Variants in PCDH15 observed in about 807,000 individuals in gnomAD.
PCDH15 encodes the protein protocadherin-15.
In PCDH15, 129 loss-of-function variants were observed where a neutral mutation model predicts 178.5. That is an observed-to-expected ratio of 0.72 (90% CI 0.63 to 0.84). PCDH15 has a LOEUF of 0.84. Ranked by LOEUF, PCDH15 falls within the 40% of genes least tolerant of loss-of-function variation. PCDH15 has a pLI of 0.00. For synonymous variants in PCDH15, 800 were observed against 732.0 expected (o/e 1.09, Z -1.50); for missense variants, 2,230 against 2,099.9 (o/e 1.06, Z -1.21).
At chr10:54,168,523 C>A (rs1173998954) in intron 13 of PCDH15, among the ~76,000 whole-genome samples, 1 of 152,196 alleles carries the variant, frequency 6.6e-6, no homozygotes. Context: ...CCTCCTCACA[C>A]CTGGTCGGGC....
chr10:55,313,025 T>C (rs1843628517), intron 1 of PCDH15, among the ~76,000 whole-genome samples: 1 of 152,308 alleles, frequency 6.6e-6, no homozygotes, highest in Admixed American at 6.5e-5. Context: ...ATTATCACTA[T>C]TTGTGAACTA....
intron 1 of PCDH15, among the ~76,000 whole-genome samples, chr10:55,296,938 GTATAATTGTATTT>G (rs756188807): frequency 3.9e-5 from 6 of 151,966 alleles, no homozygotes; most frequent in Non-Finnish European, 7.4e-5. Flanking sequence ...TTTTGTAATT[GTATAATTGTATTT>G]TATAATTTTT....
chr10:54,599,976 C>T, intron 2 of PCDH15: 3 of 1,211,170 alleles, frequency 2.5e-6, no homozygotes, highest in Non-Finnish European at 3.6e-6. Context: ...CAGAAAAAGC[C>T]AAGTCTACTG....
At chr10:54,676,074 G>T (rs1464041335) in intron 1 of PCDH15, among the ~76,000 whole-genome samples, 11 of 152,042 alleles carry the variant, frequency 7.2e-5, no homozygotes, top group Non-Finnish European at 1.5e-4. Flanking sequence ...GGTATTGTTG[G>T]AGAAAGGGCT....
Position 54,132,994 on chromosome 10 carries a change from T to C in PCDH15, c.1798A>G (p.Thr600Ala). The C allele has an allele frequency of 6.2e-7, 1 of 1,614,056 alleles. No homozygotes were observed. Among genetic ancestry groups the C allele is most frequent in the Middle Eastern group, 1.6e-4 (1 of 6,062 alleles). The change falls in exon 15 of 38, where the codon ACT (threonine) becomes GCT (alanine). Residue 600 changes from threonine to alanine, a missense_variant. Thr to Ala is a moderately conservative substitution (Grantham distance 58, BLOSUM62 0). Coordinates refer to ENST00000644397, the MANE Select transcript of PCDH15 (RefSeq NM_001384140.1). ...PPAERRNSIC[T>A]VYIEVLPPNN... ...GGTGGAAGCACTTCAATATACACAGTGCAGATGGAGTTCCTGCAGAGAAAG... is the reference window on the plus strand; with the variant it reads ...GGTGGAAGCACTTCAATATACACAGCGCAGATGGAGTTCCTGCAGAGAAAG...
chr10:54,439,076 C>T (rs1226654243), intron 3 of PCDH15, among the ~76,000 whole-genome samples: 3 of 151,806 alleles, frequency 2.0e-5, no homozygotes, highest in African/African-American at 7.3e-5. Context: ...AAATCTGAGA[C>T]ATAAGGAAAT....
At chr10:55,349,213 T>C (rs1844844677) in intron 2 of PCDH15, among the ~76,000 whole-genome samples, 1 of 152,094 alleles carries the variant, frequency 6.6e-6, no homozygotes, top group Non-Finnish European at 1.5e-5. Context: ...TCTGTTGAGG[T>C]GTGAAGTCCC....
chr10:54,611,758 T>C lies in PCDH15; in HGVS notation c.91+52414A>G, dbSNP rs567656294. On this transcript the variant is annotated intron_variant, in intron 2 of 37. Coordinates refer to ENST00000644397, the MANE Select transcript of PCDH15 (RefSeq NM_001384140.1). ...CAAAACAGCTCTGTAAACAGCCTACTAAACCAGCATCATCAGCTTTCTGTA... is the reference window on the plus strand; with the variant it reads ...CAAAACAGCTCTGTAAACAGCCTACCAAACCAGCATCATCAGCTTTCTGTA... Among the ~76,000 whole-genome samples the C allele has an allele frequency of 4.6e-5, 7 of 152,002 alleles. No homozygotes were observed. In the South Asian group the frequency reaches 1.5e-3, roughly 31 times the overall value.
At chr10:55,536,209 T>G (rs1489155689) in intron 2 of PCDH15, among the ~76,000 whole-genome samples, 3 of 152,136 alleles carry the variant, frequency 2.0e-5, no homozygotes, top group Non-Finnish European at 4.4e-5. Flanking sequence ...ATGAAACTGA[T>G]ATGTGCCACT....
chr10:55,359,422 TG>T (rs1377124164), intron 2 of PCDH15, among the ~76,000 whole-genome samples: 3 of 151,980 alleles, frequency 2.0e-5, no homozygotes, highest in Non-Finnish European at 4.4e-5. Context: ...AATTTTTATA[TG>T]TGCTGCCAAA....
chr10:55,092,886 T>G (rs1225367014), intron 2 of PCDH15, among the ~76,000 whole-genome samples: 1 of 151,936 alleles, frequency 6.6e-6, no homozygotes, highest in Non-Finnish European at 1.5e-5. Context: ...GTTAAAAACA[T>G]TCTCATATCT....
chr10:55,494,707 T>C (rs540771666), intron 2 of PCDH15, among the ~76,000 whole-genome samples: 26 of 151,936 alleles, frequency 1.7e-4, no homozygotes, highest in African/African-American at 6.3e-4. Flanking sequence ...TCTTTACTCC[T>C]GGATAACTCT....
At chr10:54,193,750 T>C (rs1185308058) in intron 11 of PCDH15, among the ~76,000 whole-genome samples, 1 of 152,186 alleles carries the variant, frequency 6.6e-6, no homozygotes, top group Non-Finnish European at 1.5e-5. Flanking sequence ...GCTATCATTA[T>C]AGTCAGACTA....
chr10:55,048,759 A>G (rs1841078869), intron 2 of PCDH15, among the ~76,000 whole-genome samples: 1 of 151,842 alleles, frequency 6.6e-6, no homozygotes, highest in African/African-American at 2.4e-5. Context: ...CCTAGAAATG[A>G]TATTTATTTT....
intron 20 of PCDH15, among the ~76,000 whole-genome samples, chr10:54,012,993 G>A (rs1216433417): frequency 1.3e-5 from 2 of 151,956 alleles, no homozygotes; most frequent in African/African-American, 4.8e-5. Flanking sequence ...AAGGACCAAC[G>A]TTATGCTGTC....
chr10:54,645,048 T>C (rs2094095461), intron 2 of PCDH15, among the ~76,000 whole-genome samples: 1 of 152,178 alleles, frequency 6.6e-6, no homozygotes, highest in Admixed American at 6.5e-5. Flanking sequence ...TATCTATAAA[T>C]TACCCAGTTT....
rs1412002103 is a variant in PCDH15, at chr10:54,317,334, C to G, written c.813G>C (p.Val271=). ...LGPMFLPCVL[V]PNTRDCRPLT... is the part of the protein sequence containing the mutation. ...GTGGACGGCAATCACGAGTGTTTGG[C>G]ACAAGGACACAAGGAAGAAACATTG... The change falls in exon 8 of 38, where the codon GTG becomes GTC. Residue 271 remains valine, a synonymous_variant. Coordinates refer to ENST00000644397, the MANE Select transcript of PCDH15 (RefSeq NM_001384140.1). The G allele has an allele frequency of 4.3e-6, 7 of 1,613,816 alleles. No individual in the cohort carries two copies. The highest frequency in any genetic ancestry group is 2.7e-5 in the African/African-American group (2 of 74,886).
At chr10:54,410,370 T>A (rs1357231707) in intron 3 of PCDH15, among the ~76,000 whole-genome samples, 1 of 152,156 alleles carries the variant, frequency 6.6e-6, no homozygotes, top group Non-Finnish European at 1.5e-5. Flanking sequence ...TGCAGAAAGA[T>A]CATGGTTTTG....
At chr10:54,768,549 A>G (rs1196121825) in intron 1 of PCDH15, among the ~76,000 whole-genome samples, 1 of 152,180 alleles carries the variant, frequency 6.6e-6, no homozygotes, top group African/African-American at 2.4e-5. Context: ...ATTATGAAAT[A>G]CTTAAGAAGT....
Sources: allele counts gnomAD v4.1 joint callset (sites outside exome capture counted in the v4.1 genomes callset), GRCh38; gene constraint gnomAD v4.1.1; transcripts MANE v1.5; gene names NCBI Gene and HGNC (gene_info 2026-07-23, HGNC 2026-07-21).